The following BTRC variants were observed in gnomAD, a reference collection of about 807,000 sequenced individuals.
The protein encoded by BTRC is beta-transducin repeat containing E3 ubiquitin protein ligase, also known as F-box/WD repeat-containing protein 1A.
Under a neutral mutation model 85.5 loss-of-function variants are expected in BTRC, and 42 were observed. The ratio of observed to expected loss-of-function variants is 0.49; its 90% CI spans 0.38 to 0.64. BTRC has a LOEUF of 0.64. BTRC is among the 30% of genes least tolerant of loss of function. BTRC has a pLI of 0.00. For synonymous variants in BTRC, 255 were observed against 263.3 expected, an observed-to-expected ratio of 0.97 and a Z score of 0.30; for missense variants, 594 against 743.5, an observed-to-expected ratio of 0.80 and a Z score of 2.34.
At chr10:101,459,203 T>G (rs1348802830) in intron 2 of BTRC, among the ~76,000 whole-genome samples, 2 of 152,338 alleles carry the variant, frequency 1.3e-5, no homozygotes, top group East Asian at 3.9e-4. Flanking sequence ...CTAGGAAAAT[T>G]ATGCACATAG....
At chr10:101,541,743 T>A (rs2062472226) in intron 13 of BTRC, among the ~76,000 whole-genome samples, 1 of 152,244 alleles carries the variant, frequency 6.6e-6, no homozygotes, top group African/African-American at 2.4e-5. Flanking sequence ...TGAATTTTTT[T>A]TAGCTTTAAA....
chr10:101,521,408 T>C (rs1027028726), intron 4 of BTRC, among the ~76,000 whole-genome samples: 1 of 152,256 alleles, frequency 6.6e-6, no homozygotes, highest in Non-Finnish European at 1.5e-5. Flanking sequence ...TCTTCAAATA[T>C]TAAGAATGTC....
intron 4 of BTRC, among the ~76,000 whole-genome samples, chr10:101,505,945 C>T (rs562363951): frequency 4.7e-5 from 7 of 149,634 alleles, no homozygotes; most frequent in Non-Finnish European, 8.9e-5. Context: ...GACGGAGTCT[C>T]GCTGTGTCGC....
chr10:101,355,741 C>T (rs2134454315), intron 1 of BTRC, among the ~76,000 whole-genome samples: 1 of 152,226 alleles, frequency 6.6e-6, no homozygotes, highest in South Asian at 2.1e-4. Context: ...TTTAAACTGC[C>T]CCATTTATAA....
chr10:101,456,248 G>A (rs971435734), intron 2 of BTRC, among the ~76,000 whole-genome samples: 11 of 152,132 alleles, frequency 7.2e-5, no homozygotes, highest in African/African-American at 2.7e-4. Flanking sequence ...GTCAATGTCA[G>A]AAGGCTGTCT....
At chr10:101,461,876 A>C in intron 2 of BTRC, 105 bp from the exon 3 acceptor site, 1 of 782,092 alleles carries the variant, frequency 1.3e-6, no homozygotes, top group East Asian at 2.7e-5. Context: ...TTGTATAAAT[A>C]TATGTATGTT....
chr10:101,460,871 A>G (rs998204852), intron 2 of BTRC, among the ~76,000 whole-genome samples: 4 of 152,144 alleles, frequency 2.6e-5, no homozygotes, highest in African/African-American at 9.7e-5. Context: ...TTATGACTAT[A>G]TGTAATGTAA....
intron 1 of BTRC, among the ~76,000 whole-genome samples, chr10:101,361,000 C>T (rs1194684589): frequency 6.6e-6 from 1 of 151,234 alleles, no homozygotes; most frequent in Non-Finnish European, 1.5e-5. Flanking sequence ...GAGATGGGGT[C>T]TTGCTGTGTT....
intron 13 of BTRC, among the ~76,000 whole-genome samples, chr10:101,541,644 CAT>C (rs1247882969): frequency 6.6e-6 from 1 of 152,144 alleles, no homozygotes; most frequent in Non-Finnish European, 1.5e-5. Context: ...ATGAGGAACA[CAT>C]GTTGGATTTT....
rs71643587 is a variant in BTRC at position 101,532,750 on chromosome 10, ATGTGTGTGTG to A, written c.979-171_979-162del. Among the ~76,000 whole-genome samples the A allele has an allele frequency of 5.6e-4, 57 of 102,222 alleles. No individual in the cohort carries two copies. In the East Asian group the frequency reaches 6.6e-3, roughly 12 times the overall value. 67.1% of individuals were successfully genotyped at this position (102,222 alleles called of 152,430 possible). On this transcript the variant is annotated intron_variant, in intron 8 of 14. Coordinates refer to ENST00000370187, the MANE Select transcript of BTRC (RefSeq NM_033637.4). ...AAGTTTGCATTAGTACTGAAGCTATATGTGTGTGTGTGTGTGTGTGTGTGTGTGTGTGTGT... is the reference window on the plus strand; with the variant it reads ...AAGTTTGCATTAGTACTGAAGCTATATGTGTGTGTGTGTGTGTGTGTGTGT...
intron 2 of BTRC, among the ~76,000 whole-genome samples, chr10:101,440,440 G>A (rs142019538): frequency 6.1e-4 from 93 of 152,250 alleles, no homozygotes; most frequent in Middle Eastern, 3.4e-3. Flanking sequence ...TTCCTCAATG[G>A]CTGGGCACTG....
At chr10:101,476,670 C>G (rs1466206295) in intron 3 of BTRC, among the ~76,000 whole-genome samples, 4 of 151,878 alleles carry the variant, frequency 2.6e-5, no homozygotes, top group Non-Finnish European at 1.5e-5. Context: ...TATGGAACTC[C>G]CGGTTTCAAG....
At position 101,544,719 on chromosome 10, in the gene BTRC, G is replaced by A. The variant is rs186813825; in HGVS notation, c.1657-5980G>A. Among the ~76,000 whole-genome samples the A allele has an allele frequency of 6.8e-4, 103 of 152,174 alleles. 1 individual carries two copies. The East Asian group carries it at 0.017, about 25-fold the overall frequency. Reference sequence around the variant, plus strand: ...AGCCACTGCGCCTGGCTCTGAAAAAGTTTTCGTTTTGCCTTCATTTTTGAA... The same window carrying A: ...AGCCACTGCGCCTGGCTCTGAAAAAATTTTCGTTTTGCCTTCATTTTTGAA... On this transcript the variant is annotated intron_variant, in intron 13 of 14. Transcript: ENST00000370187.
chr10:101,433,765 T>C (rs1944458457), intron 2 of BTRC, among the ~76,000 whole-genome samples: 2 of 152,264 alleles, frequency 1.3e-5, no homozygotes, highest in Admixed American at 6.5e-5. Flanking sequence ...ACTCTGGCTA[T>C]AAGAAGATGC....
chr10:101,522,294 C>A (rs1194936533), intron 5 of BTRC, among the ~76,000 whole-genome samples: 1 of 140,148 alleles, frequency 7.1e-6, no homozygotes, highest in Non-Finnish European at 1.5e-5. Context: ...CCTGCCTCGG[C>A]CTCCCAAAGT....
intron 4 of BTRC, among the ~76,000 whole-genome samples, chr10:101,502,023 T>TA (rs1303735747): frequency 6.6e-6 from 1 of 152,138 alleles, no homozygotes; most frequent in Admixed American, 6.6e-5. Context: ...GAAACCCCAT[T>TA]AAAAATGGTG....
intron 1 of BTRC, among the ~76,000 whole-genome samples, chr10:101,423,312 C>T (rs958450438): frequency 2.6e-5 from 4 of 152,130 alleles, no homozygotes; most frequent in African/African-American, 9.7e-5. Context: ...AATTGTTAGA[C>T]TGACAAAGCT....
chr10:101,405,529 C>T (rs1450441513), intron 1 of BTRC, among the ~76,000 whole-genome samples: 1 of 152,148 alleles, frequency 6.6e-6, no homozygotes, highest in Non-Finnish European at 1.5e-5. Context: ...ACACCAATAC[C>T]CACTTGTGGG....
intron 3 of BTRC, among the ~76,000 whole-genome samples, chr10:101,471,181 C>T (rs1481345288): frequency 6.6e-6 from 1 of 152,148 alleles, no homozygotes; most frequent in Non-Finnish European, 1.5e-5. Context: ...AGATAGTTCA[C>T]ATTTCTATAT....
Sources: gnomAD v4.1 joint callset for allele counts (sites outside exome capture counted in the v4.1 genomes callset) on GRCh38, gnomAD v4.1.1 for gene constraint, MANE v1.5 for transcripts, NCBI Gene and HGNC (gene_info 2026-07-23, HGNC 2026-07-21) for gene names.